The following RASGRF1 variants were observed in gnomAD, a reference collection of about 807,000 sequenced individuals.
RASGRF1 encodes ras-specific guanine nucleotide-releasing factor 1.
In RASGRF1, 40 loss-of-function variants were observed where a neutral mutation model predicts 138.7. The ratio of observed to expected loss-of-function variants is 0.29; its 90% CI spans 0.22 to 0.38. The LOEUF is 0.38. Among genes scored for constraint, RASGRF1 ranks in the 10% least tolerant of loss-of-function variants. RASGRF1 has a pLI of 1.00. For synonymous variants in RASGRF1, 614 were observed against 663.2 expected (o/e 0.93, Z 1.14); for missense variants, 1,108 against 1,650.4 (o/e 0.67, Z 5.69).
chr15:78,965,010 G>A (rs1181338184), intron 26 of RASGRF1, among the ~76,000 whole-genome samples: 3 of 151,968 alleles, frequency 2.0e-5, no homozygotes, highest in Admixed American at 6.6e-5. Context: ...GAGCCACCGC[G>A]CCCGGCCGTT....
chr15:79,002,585 ATAAT>A (rs2056558503), intron 15 of RASGRF1, among the ~76,000 whole-genome samples: 1 of 152,230 alleles, frequency 6.6e-6, no homozygotes, highest in Non-Finnish European at 1.5e-5. Flanking sequence ...AGTTTGGCAC[ATAAT>A]TAGATTCATG....
At chr15:79,065,825 T>A (rs1421809588) in intron 1 of RASGRF1, among the ~76,000 whole-genome samples, 1 of 151,620 alleles carries the variant, frequency 6.6e-6, no homozygotes, top group Non-Finnish European at 1.5e-5. Flanking sequence ...CAAGGTGCAG[T>A]GTGTAAACTA....
At chr15:78,967,654 C>CTTCCATATTTTTCT (rs2055669038) in intron 26 of RASGRF1, among the ~76,000 whole-genome samples, 1 of 152,124 alleles carries the variant, frequency 6.6e-6, no homozygotes. Context: ...GTGGATAGTC[C>CTTCCATATTTTTCT]TGTTTTACAT....
intron 22 of RASGRF1, among the ~76,000 whole-genome samples, chr15:78,987,422 T>A (rs1467245500): frequency 3.3e-5 from 5 of 151,780 alleles, no homozygotes; most frequent in Non-Finnish European, 7.4e-5. Flanking sequence ...GGTGGCCGAG[T>A]GCAGTGGCTC....
chr15:79,024,974 A>G (rs1030987400), intron 10 of RASGRF1, among the ~76,000 whole-genome samples: 1 of 151,964 alleles, frequency 6.6e-6, no homozygotes, highest in Non-Finnish European at 1.5e-5. Context: ...CCACACATAC[A>G]TACACACAAA....
intron 2 of RASGRF1, among the ~76,000 whole-genome samples, chr15:79,063,466 T>A (rs746437227): frequency 6.6e-6 from 1 of 152,220 alleles, no homozygotes; most frequent in Non-Finnish European, 1.5e-5. Flanking sequence ...TGTCCATGTA[T>A]CATCCATGTA....
At chr15:79,049,310 G>A (rs1746931373) in intron 4 of RASGRF1, among the ~76,000 whole-genome samples, 186 bp downstream of exon 4, 1 of 152,096 alleles carries the variant, frequency 6.6e-6, no homozygotes, top group African/African-American at 2.4e-5. Flanking sequence ...GGGACAACCA[G>A]AAGAAATGAC....
rs368845209 is a variant in RASGRF1 at position 79,058,412 on chromosome 15, C to T, written c.453G>A (p.Glu151=). The change falls in exon 3 of 27, where the codon GAG becomes GAA. Residue 151 remains glutamate, a synonymous_variant. Coordinates refer to ENST00000558480, the MANE Select transcript of RASGRF1 (RefSeq NM_001145648.3). ...QKYLHLLQIV[E]TEKTVAKQLR... ...GCTGCTTGGCCACGGTCTTCTCTGT[C>T]TCCACGATCTGCAGCAGGTGCAGGT... 7 of 1,614,100 alleles carry T rather than the reference C, an allele frequency of 4.3e-6. No homozygotes were observed. The highest frequency in any genetic ancestry group is 1.6e-4 in the Middle Eastern group (1 of 6,082).
At chr15:79,039,014 G>C (rs76624582) in intron 5 of RASGRF1, among the ~76,000 whole-genome samples, 6,453 of 152,106 alleles carry the variant, frequency 0.042, 485 homozygotes, top group African/African-American at 0.15. Flanking sequence ...TACTAGGCTG[G>C]TTTTTCATAG....
At chr15:79,039,359 C>G (rs1013606545) in intron 5 of RASGRF1, among the ~76,000 whole-genome samples, 1 of 143,918 alleles carries the variant, frequency 6.9e-6, no homozygotes, top group African/African-American at 2.5e-5. Flanking sequence ...TCTTTCTGGA[C>G]TTTCTATTTT....
intron 1 of RASGRF1, among the ~76,000 whole-genome samples, chr15:79,075,517 C>T (rs1273011348): frequency 6.6e-6 from 1 of 152,188 alleles, no homozygotes; most frequent in Non-Finnish European, 1.5e-5. Flanking sequence ...CCTCTGGAAG[C>T]TGGGGCTGGG....
chr15:79,073,560 C>T lies in RASGRF1; in HGVS notation c.277-9034G>A, dbSNP rs933538052. ...AGGCCAAGCAGAGATAGCAGAGCAC[C>T]GAGGGTGGCACTGGCAGACACGGGG... On this transcript the variant is annotated intron_variant, in intron 1 of 26. Transcript: ENST00000558480. The surrounding 1 kb of genome is among the most constrained non-coding windows in gnomAD (Gnocchi z 4.2). Among the ~76,000 whole-genome samples, 3 of 151,980 alleles carry T rather than the reference C, an allele frequency of 2.0e-5. No homozygotes were observed. Among genetic ancestry groups the T allele is most frequent in the African/African-American group, 4.8e-5 (2 of 41,360 alleles).
At chr15:79,038,311 T>G (rs1454740655) in intron 5 of RASGRF1, among the ~76,000 whole-genome samples, 2 of 152,224 alleles carry the variant, frequency 1.3e-5, no homozygotes, top group Non-Finnish European at 2.9e-5. Context: ...AACCTTCTTA[T>G]ATCCCAATAC....
In RASGRF1 at chr15:78,985,221, T is replaced by A. The variant is rs1230237230; in HGVS notation, c.3217-17A>T. On this transcript the variant is annotated splice_polypyrimidine_tract_variant and intron_variant, in intron 22 of 26. Transcript: ENST00000558480. ...GTTACTGATCTTTAAGCCGATGCAATAAGACAGGGAAAAAGAGGAGTAAGT... is the reference window on the plus strand; with the variant it reads ...GTTACTGATCTTTAAGCCGATGCAAAAAGACAGGGAAAAAGAGGAGTAAGT... 12 of 1,560,260 alleles carry A rather than the reference T, an allele frequency of 7.7e-6. No homozygotes were observed. In the Admixed American group the frequency reaches 8.5e-5, roughly 11 times the overall value.
chr15:78,978,215 C>CTTTTTT (rs2055915117), intron 24 of RASGRF1, among the ~76,000 whole-genome samples: 11 of 79,340 alleles, frequency 1.4e-4, no homozygotes, highest in African/African-American at 5.1e-4. Context: ...TTTTTCTTTT[C>CTTTTTT]TTTTGTTTTT....
At chr15:79,015,545 C>T in intron 12 of RASGRF1, 136 bp from the exon 13 acceptor site, 1 of 768,228 alleles carries the variant, frequency 1.3e-6, no homozygotes, top group Non-Finnish European at 2.1e-6. Flanking sequence ...ATTGTCCTGG[C>T]AAAGGCAGGG....
intron 1 of RASGRF1, among the ~76,000 whole-genome samples, chr15:79,067,337 G>C (rs1165545010): frequency 2.6e-5 from 4 of 152,180 alleles, no homozygotes; most frequent in Non-Finnish European, 4.4e-5. Flanking sequence ...CACGCCTCAG[G>C]CATGGTACTA....
rs2057833789 is a variant in RASGRF1 at position 79,076,375 on chromosome 15, C to A, written c.277-11849G>T. ...GGTTATAATCACCCAGAGTTTGGAA[C>A]CCCTGAGGGAGGAGCAACGTGGTTG... On this transcript the variant is annotated intron_variant, in intron 1 of 26. Coordinates refer to ENST00000558480, the MANE Select transcript of RASGRF1 (RefSeq NM_001145648.3). Among the ~76,000 whole-genome samples the A allele has an allele frequency of 2.6e-5, 4 of 152,214 alleles. No individual in the cohort carries two copies. In the South Asian group the frequency reaches 6.2e-4, roughly 24 times the overall value.
At chr15:78,977,097 C>G (rs192019694) in intron 24 of RASGRF1, among the ~76,000 whole-genome samples, 2 of 152,308 alleles carry the variant, frequency 1.3e-5, no homozygotes, top group Middle Eastern at 3.4e-3. Flanking sequence ...TATGGGGGAC[C>G]AGCTGCTGCT....
Sources: gnomAD v4.1 joint callset for allele counts (sites outside exome capture counted in the v4.1 genomes callset) on GRCh38, gnomAD v4.1.1 for gene constraint, Gnocchi (gnomAD v3.1) non-coding constraint, MANE v1.5 for transcripts, NCBI Gene and HGNC (gene_info 2026-07-23, HGNC 2026-07-21) for gene names.